C5: variants seen among roughly 807,000 people sequenced by gnomAD.
C5 encodes complement C5, also known as C3 and PZP-like alpha-2-macroglobulin domain-containing protein 4.
In C5, 140 loss-of-function variants were observed where a neutral mutation model predicts 218.8. The ratio of observed to expected loss-of-function variants is 0.64; its 90% CI spans 0.56 to 0.74. The LOEUF (loss-of-function observed/expected upper bound fraction) is 0.74. C5 is among the 30% of genes least tolerant of loss of function. The probability of loss-of-function intolerance (pLI) is 0.00; values close to 1 mark genes in which losing one functional copy is unlikely to be tolerated. For missense variants in C5, 1,700 were observed against 1,969.6 expected, an observed-to-expected ratio of 0.86 and a Z score of 2.59; for synonymous variants, 614 against 682.3, an observed-to-expected ratio of 0.90 and a Z score of 1.56.
chr9:121,012,550 G>A (rs1334332158), intron 17 of C5, among the ~76,000 whole-genome samples: 2 of 151,878 alleles, frequency 1.3e-5, no homozygotes, highest in Non-Finnish European at 2.9e-5. Context: ...AACAAATATT[G>A]GAAAACAATC....
chr9:121,000,721 T>C (rs1325929473), intron 20 of C5, among the ~76,000 whole-genome samples: 1 of 152,212 alleles, frequency 6.6e-6, no homozygotes, highest in African/African-American at 2.4e-5. Context: ...TGTGCAGGTC[T>C]GTTGTATAGG....
At chr9:121,036,882 G>T (rs1335878108) in intron 4 of C5, among the ~76,000 whole-genome samples, 5 of 147,584 alleles carry the variant, frequency 3.4e-5, no homozygotes, top group South Asian at 2.1e-4. Context: ...TTATTTTTTG[G>T]TTTTTTTTTT....
At chr9:121,037,684 G>A (rs1482707613) in intron 4 of C5, among the ~76,000 whole-genome samples, 197 bp downstream of exon 4, 1 of 152,106 alleles carries the variant, frequency 6.6e-6, no homozygotes, top group Non-Finnish European at 1.5e-5. Context: ...TCAAGTTATT[G>A]AAATTTAATT....
intron 29 of C5, 54 bp downstream of exon 29, chr9:120,976,646 G>T (rs2131690741): frequency 7.1e-7 from 1 of 1,406,912 alleles, no homozygotes; most frequent in Non-Finnish European, 1.0e-6. Context: ...GAGTGTGGTG[G>T]GGGAGAAAAT....
intron 37 of C5, 55 bp from the exon 38 acceptor site, chr9:120,960,392 T>C: frequency 8.5e-7 from 1 of 1,170,030 alleles, no homozygotes; most frequent in Non-Finnish European, 1.3e-6. Context: ...GTAGACACTC[T>C]TTCCAGGAGT....
At chr9:121,013,431 T>C (rs1430140379) in intron 17 of C5, among the ~76,000 whole-genome samples, 2 of 152,024 alleles carry the variant, frequency 1.3e-5, no homozygotes, top group Non-Finnish European at 1.5e-5. Context: ...AAATAAGACA[T>C]CAGCTTTTAT....
intron 5 of C5, 73 bp downstream of exon 5, chr9:121,034,730 C>T (rs898320550): frequency 1.0e-5 from 8 of 777,078 alleles, no homozygotes; most frequent in Non-Finnish European, 1.8e-5. Flanking sequence ...ATTAGGTGGC[C>T]CCCTTTAACT....
At chr9:121,074,446 T>A in the C5 span, among the ~76,000 whole-genome samples, 2 of 152,222 alleles carry the variant, frequency 1.3e-5, no homozygotes, top group African/African-American at 4.8e-5. Flanking sequence ...GAGCCCAGGC[T>A]GCGTCCGCTT....
chr9:120,974,640 G>A, intron 30 of C5, 139 bp downstream of exon 30: 1 of 808,392 alleles, frequency 1.2e-6, no homozygotes, highest in Admixed American at 1.9e-5. Flanking sequence ...GGATATAGCA[G>A]GCATCCCTGT....
At chr9:121,002,124 GTA>G (rs762694853) in intron 20 of C5, among the ~76,000 whole-genome samples, 259 of 144,626 alleles carry the variant, frequency 1.8e-3, no homozygotes, top group Middle Eastern at 3.7e-3. Context: ...GGCAGTGTGT[GTA>G]TATATATATA....
chr9:121,033,177 A>G (rs942402204), intron 5 of C5, among the ~76,000 whole-genome samples: 2 of 152,180 alleles, frequency 1.3e-5, no homozygotes, highest in Non-Finnish European at 2.9e-5. Context: ...CATCATCATC[A>G]ATTCAATGAA....
intron 22 of C5, among the ~76,000 whole-genome samples, chr9:120,995,830 T>TC (rs1490119625): frequency 6.6e-6 from 1 of 151,238 alleles, no homozygotes; most frequent in Admixed American, 6.6e-5. Context: ...CTTTTTTTTT[T>TC]TTTTTTTTGA....
chr9:121,042,181 C>T (rs116983920), intron 3 of C5, among the ~76,000 whole-genome samples: 1,888 of 152,230 alleles, frequency 0.012, 21 homozygotes, highest in Non-Finnish European at 0.018. Context: ...TCATTGATGA[C>T]GAGAGGGAGA....
At chr9:121,027,345 A>G in intron 7 of C5, 71 bp from the exon 8 acceptor site, 1 of 823,880 alleles carries the variant, frequency 1.2e-6, no homozygotes, top group East Asian at 2.6e-5. Context: ...AAATGTAACA[A>G]TTTGAAATTA....
chr9:121,043,257 C>CA, intron 2 of C5, 91 bp from the exon 3 acceptor site: 1 of 1,050,432 alleles, frequency 9.5e-7, no homozygotes, highest in East Asian at 2.6e-5. Context: ...CTCATTAGAA[C>CA]AATCAGTATG....
At chr9:121,007,061 G>C (rs1187302482) in intron 18 of C5, 84 bp from the exon 19 acceptor site, 2 of 1,036,836 alleles carry the variant, frequency 1.9e-6, no homozygotes, top group Non-Finnish European at 3.0e-6. Context: ...CAGAATTTTT[G>C]CTTCAAACTA....
At chr9:120,981,441 C>A (rs1247592031) in intron 27 of C5, among the ~76,000 whole-genome samples, 2 of 152,166 alleles carry the variant, frequency 1.3e-5, no homozygotes, top group Admixed American at 6.5e-5. Flanking sequence ...TCAGTACTTG[C>A]ATGATACAGA....
intron 12 of C5, among the ~76,000 whole-genome samples, chr9:121,018,251 T>TAA (rs2047326001): frequency 2.1e-5 from 1 of 46,834 alleles, no homozygotes; most frequent in African/African-American, 1.3e-4. Flanking sequence ...AGACTCTGTC[T>TAA]CAAAAAAAAA....
At chr9:120,980,493 C>T (rs1024280367) in intron 27 of C5, among the ~76,000 whole-genome samples, 12 of 152,186 alleles carry the variant, frequency 7.9e-5, no homozygotes, top group Non-Finnish European at 1.8e-4. Flanking sequence ...CCTCTGAATT[C>T]TCACTTTCCT....
Sources: gnomAD v4.1 joint callset for allele counts (sites outside exome capture counted in the v4.1 genomes callset) on GRCh38, gnomAD v4.1.1 for gene constraint, MANE v1.5 for transcripts, NCBI Gene and HGNC (gene_info 2026-07-23, HGNC 2026-07-21) for gene names.